THEMIS: variants seen among roughly 807,000 people sequenced by gnomAD.
THEMIS encodes the protein thymocyte selection associated, also known as protein THEMIS.
THEMIS carries 37 observed loss-of-function variants against 52.6 expected under a neutral mutation model. The ratio of observed to expected loss-of-function variants is 0.70; its 90% CI spans 0.54 to 0.93. The LOEUF (loss-of-function observed/expected upper bound fraction) is 0.93. Ranked by LOEUF, THEMIS falls within the 40% of genes least tolerant of loss-of-function variation. The pLI is 0.00. For missense variants in THEMIS, 808 were observed against 763.1 expected (o/e 1.06, Z -0.69); for synonymous variants, 292 against 272.7 (o/e 1.07, Z -0.70).
In THEMIS at chr6:127,720,093, T is replaced by C. The variant is rs573781065; in HGVS notation, c.1759-270A>G. On this transcript the variant is annotated intron_variant, in intron 4 of 5. Transcript: ENST00000368248. ...ATTTGTGTATATTACTTTCTTCTTG[T>C]GAAGCTTATAAAATATTTTTCATTT... is the stretch of plus-strand genomic sequence containing the variant. 1.1e-3 allele frequency among the ~76,000 whole-genome samples: 162 copies of C among 151,982 alleles called. 1 individual carries two copies. Among genetic ancestry groups the C allele is most frequent in the Non-Finnish European group, 1.8e-3 (124 of 67,934 alleles).
intron 1 of THEMIS, among the ~76,000 whole-genome samples, chr6:127,878,514 C>A (rs1430562101): frequency 6.6e-6 from 1 of 151,946 alleles, no homozygotes; most frequent in Non-Finnish European, 1.5e-5. Context: ...TTGTACTAGG[C>A]CTTCAGGTTT....
chr6:127,850,734 G>A (rs1387168078), intron 2 of THEMIS, among the ~76,000 whole-genome samples: 1 of 151,726 alleles, frequency 6.6e-6, no homozygotes, highest in Non-Finnish European at 1.5e-5. Context: ...GGACTTAGCG[G>A]GGAAGGTTGG....
chr6:127,839,204 A>G (rs1778964615), intron 2 of THEMIS, among the ~76,000 whole-genome samples: 1 of 152,034 alleles, frequency 6.6e-6, no homozygotes, highest in South Asian at 2.1e-4. Context: ...TATAATATTC[A>G]GTTTTCTGAT....
chr6:127,868,523 G>T, intron 1 of THEMIS: 4 of 972,734 alleles, frequency 4.1e-6, no homozygotes, highest in Middle Eastern at 5.3e-4. Flanking sequence ...TTACAGATGT[G>T]CCAACATATT....
intron 1 of THEMIS, among the ~76,000 whole-genome samples, chr6:127,907,337 A>AGTTTTTTTTTTTTT (rs1781297228): frequency 4.0e-5 from 2 of 49,448 alleles, no homozygotes; most frequent in Non-Finnish European, 7.5e-5. Context: ...TTAGGCTCGG[A>AGTTTTTTTTTTTTT]TTTTTTTTTT....
Position 127,719,834 on chromosome 6 carries a change from A to G in THEMIS, c.1759-11T>C. The G allele has an allele frequency of 4.3e-6, 7 of 1,610,584 alleles. 1 individual carries two copies. The South Asian group carries it at 6.6e-5, about 15-fold the overall frequency. On this transcript the variant is annotated splice_polypyrimidine_tract_variant and intron_variant, in intron 4 of 5. Transcript: ENST00000368248. ...GTCTACGTGATGACGCTGAAATGAC[A>G]CAGGTCACAAGTAAATTATCAGTCC...
chr6:127,756,353 G>A (rs758213730), intron 4 of THEMIS, among the ~76,000 whole-genome samples: 5 of 152,108 alleles, frequency 3.3e-5, no homozygotes, highest in Non-Finnish European at 5.9e-5. Flanking sequence ...ACAGTAGTTT[G>A]TATGATAGTC....
At chr6:127,844,103 A>ATTTACTAC (rs1174395911) in intron 2 of THEMIS, among the ~76,000 whole-genome samples, 6 of 152,014 alleles carry the variant, frequency 3.9e-5, no homozygotes, top group African/African-American at 1.4e-4. Context: ...AAATGTGGAT[A>ATTTACTAC]TTGAACATTT....
rs542131932 is a variant in THEMIS at position 127,887,853 on chromosome 6, C to G, written c.91+12989G>C. Among the ~76,000 whole-genome samples the G allele has an allele frequency of 2.8e-4, 42 of 152,106 alleles. No homozygotes were observed. In the South Asian group the frequency reaches 8.5e-3, roughly 31 times the overall value. On this transcript the variant is annotated intron_variant, in intron 1 of 5. Coordinates refer to ENST00000368248, the MANE Select transcript of THEMIS (RefSeq NM_001010923.3). ...TGAATTTTATGGTATATAAATTATA[C>G]CTTGATAAAACTGTAAGAAAAATCT...
At chr6:127,731,826 T>C (rs1437620601) in intron 4 of THEMIS, among the ~76,000 whole-genome samples, 2 of 143,354 alleles carry the variant, frequency 1.4e-5, no homozygotes, top group Non-Finnish European at 3.0e-5. Context: ...GGTTCCCGAG[T>C]AGCTGGGATT....
At chr6:127,805,431 C>A (rs565125105) in intron 4 of THEMIS, among the ~76,000 whole-genome samples, 16 of 152,016 alleles carry the variant, frequency 1.1e-4, no homozygotes, top group Non-Finnish European at 1.9e-4. Flanking sequence ...ATAACGCATG[C>A]ATGAATCTTT....
chr6:127,857,545 A>G (rs1463938528), intron 1 of THEMIS, among the ~76,000 whole-genome samples: 1 of 152,040 alleles, frequency 6.6e-6, no homozygotes, highest in Non-Finnish European at 1.5e-5. Flanking sequence ...ATAAATAAAA[A>G]AGCAATTTAA....
chr6:127,845,765 G>GA (rs907632071), intron 2 of THEMIS, among the ~76,000 whole-genome samples: 4 of 151,232 alleles, frequency 2.6e-5, no homozygotes, highest in Non-Finnish European at 4.4e-5. Flanking sequence ...GCAGTGATGG[G>GA]AAAAAAAATA....
chr6:127,747,823 T>C (rs1026017300), intron 4 of THEMIS, among the ~76,000 whole-genome samples: 2 of 152,116 alleles, frequency 1.3e-5, no homozygotes, highest in Non-Finnish European at 2.9e-5. Context: ...TACTTTCATT[T>C]ATTATGTGTG....
At position 127,852,134 on chromosome 6, in the gene THEMIS, C is replaced by T. The variant is rs144765634; in HGVS notation, c.250+2896G>A. Among the ~76,000 whole-genome samples, 936 of 151,556 alleles carry T rather than the reference C, an allele frequency of 6.2e-3. 13 individuals are homozygous for T. The highest frequency in any genetic ancestry group is 0.022 in the African/African-American group (903 of 41,458). ...AAAATAGACTTTAAAACAAAAATTG[C>T]TACTAGAGTCAAAGAATATTATATA... On this transcript the variant is annotated intron_variant, in intron 2 of 5. Transcript: ENST00000368248.
the THEMIS span, among the ~76,000 whole-genome samples, chr6:127,702,630 T>A: frequency 6.8e-5 from 10 of 147,622 alleles, no homozygotes; most frequent in Non-Finnish European, 1.1e-4. Flanking sequence ...TTTTTTTTTT[T>A]AGCTATCATA....
intron 1 of THEMIS, among the ~76,000 whole-genome samples, chr6:127,883,954 TTTA>T (rs1368914725): frequency 6.6e-6 from 1 of 152,058 alleles, no homozygotes; most frequent in Non-Finnish European, 1.5e-5. Flanking sequence ...CACACCCAAA[TTTA>T]TATAAAAAAA....
At chr6:127,899,036 A>C (rs113817697) in intron 1 of THEMIS, among the ~76,000 whole-genome samples, 291 of 151,992 alleles carry the variant, frequency 1.9e-3, no homozygotes, top group African/African-American at 6.6e-3. Context: ...AAAAGGAATA[A>C]GATCTAGTGT....
At chr6:127,903,673 T>G (rs548283550), upstream of THEMIS, among the ~76,000 whole-genome samples, 1 of 150,892 alleles carries the variant, frequency 6.6e-6, no homozygotes, top group Admixed American at 6.6e-5. Context: ...AAAAAACTAA[T>G]AATATATTTG....
Sources: allele counts gnomAD v4.1 joint callset (sites outside exome capture counted in the v4.1 genomes callset), GRCh38; gene constraint gnomAD v4.1.1; transcripts MANE v1.5; gene names NCBI Gene and HGNC (gene_info 2026-07-23, HGNC 2026-07-21).